The following RNF216 variants were observed in gnomAD, a reference collection of about 807,000 sequenced individuals.
RNF216 encodes the protein E3 ubiquitin-protein ligase RNF216.
In RNF216, 72 loss-of-function variants were observed where a neutral mutation model predicts 110.8. The observed-to-expected ratio is 0.65, with a 90% CI of 0.54 to 0.79. RNF216 has a LOEUF of 0.79. Ranked by LOEUF, RNF216 falls within the 30% of genes least tolerant of loss-of-function variation. RNF216 has a pLI of 0.00. For synonymous variants in RNF216, 495 were observed against 407.5 expected (o/e 1.21, Z -2.59); for missense variants, 1,342 against 1,141.2 (o/e 1.18, Z -2.54).
At chr7:5,647,964 T>C (rs1242816718) in intron 14 of RNF216, among the ~76,000 whole-genome samples, 2 of 152,204 alleles carry the variant, frequency 1.3e-5, no homozygotes, top group African/African-American at 2.4e-5. Context: ...GGCCATGACA[T>C]TCATTTGCTT....
chr7:5,776,265 T>C (rs1056154521), intron 1 of RNF216, among the ~76,000 whole-genome samples: 1 of 151,924 alleles, frequency 6.6e-6, no homozygotes, highest in Non-Finnish European at 1.5e-5. Context: ...GTCCCATCAA[T>C]CAGAGAATAA....
At chr7:5,746,636 C>T (rs750090108) in intron 3 of RNF216, among the ~76,000 whole-genome samples, 1 of 152,126 alleles carries the variant, frequency 6.6e-6, no homozygotes, top group East Asian at 1.9e-4. Context: ...CCAACGTCAT[C>T]CCGGTCCTGA....
At chr7:5,704,987 T>C (rs1230126449) in intron 13 of RNF216, among the ~76,000 whole-genome samples, 1 of 152,164 alleles carries the variant, frequency 6.6e-6, no homozygotes, top group East Asian at 1.9e-4. Flanking sequence ...CTGAGGGGCA[T>C]AAAAAGATGT....
intron 14 of RNF216, among the ~76,000 whole-genome samples, chr7:5,643,441 G>T (rs1787862650): frequency 6.6e-6 from 1 of 151,628 alleles, no homozygotes; most frequent in African/African-American, 2.4e-5. Context: ...AGAGAAGCCG[G>T]AGCTGTGACT....
chr7:5,701,261 G>A (rs925313217), intron 13 of RNF216, among the ~76,000 whole-genome samples: 2 of 152,230 alleles, frequency 1.3e-5, no homozygotes, highest in African/African-American at 4.8e-5. Context: ...TTACATGGCA[G>A]AACACTGGGG....
intron 13 of RNF216, among the ~76,000 whole-genome samples, chr7:5,693,772 A>G (rs548023749): frequency 2.6e-5 from 4 of 152,324 alleles, no homozygotes; most frequent in Admixed American, 2.0e-4. Context: ...TTAGGAAGCA[A>G]GAAGGCTGAT....
intron 13 of RNF216, among the ~76,000 whole-genome samples, chr7:5,710,462 A>C (rs1391626020): frequency 6.6e-6 from 1 of 152,054 alleles, no homozygotes; most frequent in Non-Finnish European, 1.5e-5. Flanking sequence ...TCACTGGCAG[A>C]CCTTCTTTGA....
At chr7:5,702,334 T>C (rs750427415) in intron 13 of RNF216, among the ~76,000 whole-genome samples, 7 of 152,138 alleles carry the variant, frequency 4.6e-5, no homozygotes, top group Admixed American at 1.3e-4. Context: ...AGGGATAAAG[T>C]AGCTGAAATA....
At chr7:5,774,767 T>C (rs947057528) in intron 1 of RNF216, among the ~76,000 whole-genome samples, 1 of 152,124 alleles carries the variant, frequency 6.6e-6, no homozygotes, top group Non-Finnish European at 1.5e-5. Context: ...TACTTTTTTT[T>C]TTTTTATTGA....
intron 13 of RNF216, among the ~76,000 whole-genome samples, chr7:5,688,559 C>T (rs1791127927): frequency 6.6e-6 from 1 of 152,140 alleles, no homozygotes; most frequent in Non-Finnish European, 1.5e-5. Context: ...GTGTTTCATG[C>T]TTAGGTTTTG....
At position 5,739,229 on chromosome 7, in the gene RNF216, T is replaced by G. The variant is rs766430843; in HGVS notation, c.1121+47A>C. ...TGGTAAATTTTTTATTACATATATTTTACCACCACCACCACCACCACAAAA... is the reference window on the plus strand; with the variant it reads ...TGGTAAATTTTTTATTACATATATTGTACCACCACCACCACCACCACAAAA... On this transcript the variant is annotated intron_variant, in intron 5 of 16. Coordinates refer to ENST00000389902, the MANE Select transcript of RNF216 (RefSeq NM_207111.4). 1.1e-4 allele frequency: 170 copies of G among 1,485,154 alleles called. 2 individuals are homozygous for G. In the South Asian group the frequency reaches 2.3e-3, roughly 20 times the overall value. 92.0% of individuals were successfully genotyped at this position (1,485,154 alleles called of 1,614,324 possible).
chr7:5,742,740 C>T (rs1172171934), intron 3 of RNF216, among the ~76,000 whole-genome samples: 6 of 151,732 alleles, frequency 4.0e-5, no homozygotes, highest in South Asian at 2.1e-4. Flanking sequence ...GGATTATAGG[C>T]GCACACCTCT....
At chr7:5,733,163 C>T (rs936700790) in intron 5 of RNF216, 2 of 152,144 alleles carry the variant, frequency 1.3e-5, no homozygotes, top group African/African-American at 4.8e-5. Flanking sequence ...TAACACTGTC[C>T]TAGGAGTCCA....
chr7:5,741,680 C>A lies in RNF216; in HGVS notation c.337G>T (p.Val113Leu), dbSNP rs186298636. The change falls in exon 4 of 17, where the codon GTG (valine) becomes TTG (leucine). Residue 113 changes from valine (V) to leucine (L), a missense_variant. By Grantham distance (32) the Val-to-Leu change is conservative. Coordinates refer to ENST00000389902, the MANE Select transcript of RNF216 (RefSeq NM_207111.4). ...FESDKSSYFS[V>L]CNNPLFDSGA... ...GAATCAAACAATGGGTTGTTACACA[C>A]TGAAAAATAGCTGCTCTTATCTGAT... The A allele has an allele frequency of 6.2e-7, 1 of 1,614,102 alleles. No individual in the cohort carries two copies. Among genetic ancestry groups the A allele is most frequent in the East Asian group, 2.2e-5 (1 of 44,896 alleles).
At chr7:5,642,125 G>A (rs147456957) in intron 14 of RNF216, among the ~76,000 whole-genome samples, 2 of 151,218 alleles carry the variant, frequency 1.3e-5, no homozygotes, top group Admixed American at 6.6e-5. Flanking sequence ...TTACCTTAAT[G>A]AGTCACCTCT....
intron 3 of RNF216, among the ~76,000 whole-genome samples, chr7:5,742,811 G>A (rs370833339): frequency 2.0e-5 from 3 of 151,846 alleles, no homozygotes; most frequent in Non-Finnish European, 4.4e-5. Flanking sequence ...GGCCAGGCTG[G>A]TCTTGAACTC....
intron 6 of RNF216, 49 bp from the exon 7 acceptor site, chr7:5,729,645 C>T: frequency 6.9e-7 from 1 of 1,450,762 alleles, no homozygotes; most frequent in Non-Finnish European, 9.6e-7. Context: ...GTACATTTCC[C>T]ATACAGGGGA....
At chr7:5,689,799 C>CA (rs1270409964) in intron 13 of RNF216, among the ~76,000 whole-genome samples, 3 of 151,558 alleles carry the variant, frequency 2.0e-5, no homozygotes, top group Non-Finnish European at 2.9e-5. Context: ...ACTAAAAATG[C>CA]AAAAAAATTA....
At chr7:5,760,487 G>A in intron 2 of RNF216, 1 of 359,496 alleles carries the variant, frequency 2.8e-6, no homozygotes, top group Non-Finnish European at 5.6e-6. Flanking sequence ...TTGCACTCTG[G>A]CCTGGGCAAT....
Sources: allele counts gnomAD v4.1 joint callset (sites outside exome capture counted in the v4.1 genomes callset), GRCh38; gene constraint gnomAD v4.1.1; transcripts MANE v1.5; gene names NCBI Gene and HGNC (gene_info 2026-07-23, HGNC 2026-07-21).